Variants in SLC16A7 observed in about 807,000 individuals in gnomAD.
SLC16A7 encodes solute carrier family 16 member 7, also known as monocarboxylate transporter 2.
A neutral mutation model predicts 34.9 loss-of-function variants in SLC16A7; 33 were observed. The ratio of observed to expected loss-of-function variants is 0.94; its 90% confidence interval spans 0.72 to 1.26. The LOEUF is 1.26. Ranked by LOEUF, SLC16A7 falls within the 50% of genes most tolerant of loss-of-function variation. The pLI is 0.00. For synonymous variants in SLC16A7, 201 were observed against 206.6 expected (o/e 0.97, Z 0.23); for missense variants, 573 against 578.1 (o/e 0.99, Z 0.09).
At chr12:59,765,251 G>A (rs1881472881) in intron 3 of SLC16A7, among the ~76,000 whole-genome samples, 1 of 152,214 alleles carries the variant, frequency 6.6e-6, no homozygotes, top group African/African-American at 2.4e-5. Context: ...CAGATGAGTA[G>A]GTTGCAAAAA....
chr12:59,777,151 C>G (rs1477486193), intron 5 of SLC16A7, among the ~76,000 whole-genome samples: 1 of 152,168 alleles, frequency 6.6e-6, no homozygotes, highest in African/African-American at 2.4e-5. Context: ...AAAACAGTTT[C>G]AATATTTTTG....
intron 2 of SLC16A7, among the ~76,000 whole-genome samples, chr12:59,691,491 C>G (rs1015644480): frequency 6.6e-6 from 1 of 151,978 alleles, no homozygotes; most frequent in Non-Finnish European, 1.5e-5. Flanking sequence ...TTACTTTGAA[C>G]AATTGCCTCC....
chr12:59,627,927 T>C (rs1256840297), intron 1 of SLC16A7, among the ~76,000 whole-genome samples: 1 of 150,808 alleles, frequency 6.6e-6, no homozygotes, highest in Non-Finnish European at 1.5e-5. Context: ...AGTGTACCAG[T>C]TTTACAAACT....
chr12:59,723,999 T>C (rs1320931086), intron 3 of SLC16A7, among the ~76,000 whole-genome samples: 2 of 151,996 alleles, frequency 1.3e-5, no homozygotes, highest in Non-Finnish European at 2.9e-5. Flanking sequence ...AATGTAATTG[T>C]GGCTTAAAAA....
chr12:59,626,347 G>T (rs1364492622), intron 1 of SLC16A7, among the ~76,000 whole-genome samples: 4 of 151,596 alleles, frequency 2.6e-5, no homozygotes, highest in Non-Finnish European at 5.9e-5. Flanking sequence ...TATGTTCTGG[G>T]TTATTTCTAG....
intron 2 of SLC16A7, among the ~76,000 whole-genome samples, chr12:59,670,951 T>G (rs1018420710): frequency 6.6e-6 from 1 of 151,400 alleles, no homozygotes; most frequent in Non-Finnish European, 1.5e-5. Context: ...TCCATGAGTC[T>G]CCTCTCTCTT....
chr12:59,773,763 C>G (rs1461475610), intron 4 of SLC16A7, among the ~76,000 whole-genome samples: 1 of 151,960 alleles, frequency 6.6e-6, no homozygotes, highest in Middle Eastern at 3.2e-3. Context: ...CGGGGTTTCA[C>G]CATGTTGGCC....
intron 1 of SLC16A7, among the ~76,000 whole-genome samples, chr12:59,598,508 A>G (rs4760297): frequency 0.2 from 30,784 of 151,954 alleles, 3,211 homozygotes; most frequent in Non-Finnish European, 0.21. Context: ...TCTCCTCTTG[A>G]TGGAAGAAAC....
At chr12:59,729,085 C>T (rs939121679) in intron 3 of SLC16A7, among the ~76,000 whole-genome samples, 2 of 152,122 alleles carry the variant, frequency 1.3e-5, no homozygotes, top group African/African-American at 4.8e-5. Context: ...AAAGTTGTGT[C>T]ATCTATATGA....
chr12:59,692,661 A>G (rs887650675), intron 2 of SLC16A7, among the ~76,000 whole-genome samples: 1 of 152,012 alleles, frequency 6.6e-6, no homozygotes, highest in Non-Finnish European at 1.5e-5. Flanking sequence ...TGCCCATTAT[A>G]AAGCATTTTT....
At chr12:59,621,849 T>C (rs1879709899) in intron 1 of SLC16A7, among the ~76,000 whole-genome samples, 2 of 151,942 alleles carry the variant, frequency 1.3e-5, no homozygotes, top group South Asian at 2.1e-4. Context: ...TGAATTCCAG[T>C]GATGGAAATC....
At chr12:59,689,941 A>G (rs1871448840) in intron 2 of SLC16A7, among the ~76,000 whole-genome samples, 1 of 152,028 alleles carries the variant, frequency 6.6e-6, no homozygotes, top group African/African-American at 2.4e-5. Flanking sequence ...GGGGATGCTG[A>G]TAAGTGGAAT....
chr12:59,777,068 T>G (rs1337529215), intron 5 of SLC16A7, among the ~76,000 whole-genome samples: 1 of 152,174 alleles, frequency 6.6e-6, no homozygotes, highest in Non-Finnish European at 1.5e-5. Context: ...GGGGATAGAC[T>G]CTAAGAATTA....
intron 3 of SLC16A7, chr12:59,769,159 AT>A (rs1881977242): frequency 6.6e-6 from 1 of 152,176 alleles, no homozygotes; most frequent in Non-Finnish European, 1.5e-5. Context: ...GCAATAAAAT[AT>A]TTTTAATTGT....
intron 1 of SLC16A7, among the ~76,000 whole-genome samples, chr12:59,652,728 A>T (rs1868363630): frequency 6.6e-6 from 1 of 151,794 alleles, no homozygotes; most frequent in African/African-American, 2.4e-5. Context: ...AGATCAAGGA[A>T]TTTCTCTTAG....
intron 1 of SLC16A7, among the ~76,000 whole-genome samples, chr12:59,619,454 G>A (rs1301869161): frequency 6.6e-6 from 1 of 151,942 alleles, no homozygotes; most frequent in Non-Finnish European, 1.5e-5. Context: ...GGCTTCATTT[G>A]TTCATAATGT....
chr12:59,728,551 G>T (rs1592588990), intron 3 of SLC16A7, among the ~76,000 whole-genome samples: 1 of 152,172 alleles, frequency 6.6e-6, no homozygotes, highest in Non-Finnish European at 1.5e-5. Context: ...GCTCATGCTT[G>T]TAATCCCAGC....
chr12:59,724,052 T>G (rs1459717224), intron 3 of SLC16A7, among the ~76,000 whole-genome samples: 2 of 152,036 alleles, frequency 1.3e-5, no homozygotes, highest in Non-Finnish European at 2.9e-5. Flanking sequence ...ATATGTATAG[T>G]ATATGATTTT....
chr12:59,632,463 G>A lies in SLC16A7; in HGVS notation c.-129-22689G>A, dbSNP rs192289280. On this transcript the variant is annotated intron_variant, in intron 1 of 5. Coordinates refer to ENST00000547379, the MANE Select transcript of SLC16A7 (RefSeq NM_001270623.2). ...TGGCATCTACCCAGTTCTGGGACTA[G>A]GGTTGGGTAAGGGAGGCAGCTGGGG... Among the ~76,000 whole-genome samples the A allele has an allele frequency of 5.5e-3, 842 of 152,094 alleles. 5 individuals carry two copies. Among genetic ancestry groups the A allele is most frequent in the Non-Finnish European group, 8.6e-3 (582 of 67,942 alleles).
Sources: allele counts gnomAD v4.1 joint callset (sites outside exome capture counted in the v4.1 genomes callset), GRCh38; gene constraint gnomAD v4.1.1; transcripts MANE v1.5; gene names NCBI Gene and HGNC (gene_info 2026-07-23, HGNC 2026-07-21).